The following KCNIP1 variants were observed in gnomAD, a reference collection of about 807,000 sequenced individuals.
KCNIP1 encodes potassium voltage-gated channel interacting protein 1.
A neutral mutation model predicts 33.0 loss-of-function variants in KCNIP1; 18 were observed. The ratio of observed to expected loss-of-function variants is 0.55; its 90% CI spans 0.38 to 0.81. The LOEUF is 0.81. Among genes scored for constraint, KCNIP1 ranks in the 30% least tolerant of loss-of-function variants. The probability of loss-of-function intolerance (pLI) is 0.00; values close to 1 mark genes in which losing one functional copy is unlikely to be tolerated. For synonymous variants in KCNIP1, 93 were observed against 98.3 expected (o/e 0.95, Z 0.32); for missense variants, 238 against 271.6 (o/e 0.88, Z 0.87).
intron 1 of KCNIP1, among the ~76,000 whole-genome samples, chr5:170,529,459 T>C (rs1311623870): frequency 6.6e-6 from 1 of 151,984 alleles, no homozygotes; most frequent in Non-Finnish European, 1.5e-5. Context: ...TGTGGGGAGG[T>C]GTGGGAAACC....
At chr5:170,561,233 T>C in intron 1 of KCNIP1, 2 of 406,644 alleles carry the variant, frequency 4.9e-6, no homozygotes, top group Non-Finnish European at 1.0e-5. Flanking sequence ...AAGTCCCCGC[T>C]CTGCTTGGCT....
At chr5:170,594,182 G>T (rs1248591659) in intron 1 of KCNIP1, among the ~76,000 whole-genome samples, 1 of 152,182 alleles carries the variant, frequency 6.6e-6, no homozygotes, top group Non-Finnish European at 1.5e-5. Context: ...AGGGTATGAA[G>T]CACCGTAGGA....
At chr5:170,653,970 G>C (rs1381398063) in intron 1 of KCNIP1, among the ~76,000 whole-genome samples, 1 of 152,036 alleles carries the variant, frequency 6.6e-6, no homozygotes, top group African/African-American at 2.4e-5. Flanking sequence ...AGTCTGACAA[G>C]CCCACAGTGG....
intron 1 of KCNIP1, among the ~76,000 whole-genome samples, chr5:170,387,037 C>T (rs760861902): frequency 2.0e-5 from 3 of 152,108 alleles, no homozygotes; most frequent in East Asian, 3.9e-4. Context: ...CCATGGTCCC[C>T]GCGTGATTTC....
chr5:170,629,656 G>T (rs891429326), intron 1 of KCNIP1, among the ~76,000 whole-genome samples: 31 of 152,158 alleles, frequency 2.0e-4, no homozygotes, highest in African/African-American at 6.8e-4. Context: ...CCCCTGCAGG[G>T]TGGCATCAGC....
intron 1 of KCNIP1, among the ~76,000 whole-genome samples, chr5:170,656,826 C>T (rs763406328): frequency 7.9e-5 from 12 of 152,228 alleles, no homozygotes; most frequent in Admixed American, 4.6e-4. Flanking sequence ...CCTTTAACAG[C>T]GCACATGGGA....
chr5:170,507,459 A>G (rs1163699388), intron 1 of KCNIP1, among the ~76,000 whole-genome samples: 1 of 152,206 alleles, frequency 6.6e-6, no homozygotes, highest in Non-Finnish European at 1.5e-5. Context: ...AAATGTCCAG[A>G]GTAAGGCCAT....
chr5:170,462,135 C>A (rs1756515230), intron 1 of KCNIP1, among the ~76,000 whole-genome samples: 1 of 151,962 alleles, frequency 6.6e-6, no homozygotes, highest in Non-Finnish European at 1.5e-5. Context: ...AACTAAAGAG[C>A]TTTTGCACAG....
chr5:170,426,247 T>TCACACACACACACACA (rs143211356), intron 1 of KCNIP1, among the ~76,000 whole-genome samples: 2,852 of 149,224 alleles, frequency 0.019, 32 homozygotes, highest in Non-Finnish European at 0.024. Context: ...TCAAAAGGAA[T>TCACACACACACACACA]CACACACACA....
intron 1 of KCNIP1, among the ~76,000 whole-genome samples, chr5:170,357,503 T>A (rs911942255): frequency 6.6e-6 from 1 of 152,202 alleles, no homozygotes; most frequent in Admixed American, 6.5e-5. Flanking sequence ...TATGAAAGCC[T>A]ATGGCCTTGT....
chr5:170,701,185 G>A (rs7727631), intron 1 of KCNIP1, among the ~76,000 whole-genome samples: 3,209 of 152,276 alleles, frequency 0.021, 59 homozygotes, highest in Non-Finnish European at 0.032. Context: ...CCTTATAGGC[G>A]AAAAGGGTTT....
At chr5:170,547,673 C>T (rs1756466498) in intron 1 of KCNIP1, among the ~76,000 whole-genome samples, 1 of 152,182 alleles carries the variant, frequency 6.6e-6, no homozygotes, top group Non-Finnish European at 1.5e-5. Flanking sequence ...TGGCCTCCAG[C>T]TCCATCCATG....
intron 1 of KCNIP1, among the ~76,000 whole-genome samples, chr5:170,609,156 C>G (rs1474124014): frequency 1.3e-5 from 2 of 152,216 alleles, no homozygotes; most frequent in African/African-American, 2.4e-5. Flanking sequence ...CTGTCTTCCC[C>G]AGGGTGGCTT....
At chr5:170,693,447 A>C (rs1316783582) in intron 1 of KCNIP1, among the ~76,000 whole-genome samples, 5 of 152,150 alleles carry the variant, frequency 3.3e-5, no homozygotes, top group Non-Finnish European at 7.3e-5. Context: ...CCTCGTGAAG[A>C]CCCTGAGAAG....
At chr5:170,569,643 C>G (rs1181156532) in intron 1 of KCNIP1, among the ~76,000 whole-genome samples, 3 of 152,112 alleles carry the variant, frequency 2.0e-5, no homozygotes, top group Non-Finnish European at 2.9e-5. Flanking sequence ...ACTCGGGAGG[C>G]TGAGGTAGGA....
At chr5:170,646,827 T>C (rs926346973) in intron 1 of KCNIP1, among the ~76,000 whole-genome samples, 1 of 152,108 alleles carries the variant, frequency 6.6e-6, no homozygotes, top group African/African-American at 2.4e-5. Context: ...TGATTATCTG[T>C]ATAGAAAATT....
In KCNIP1 at chr5:170,409,599, G is replaced by A. The variant is rs116641892; in HGVS notation, c.88+55635G>A. On this transcript the variant is annotated intron_variant, in intron 1 of 7. Coordinates refer to the KCNIP1 transcript ENST00000377360. ...CCCTGCCACCAGGATCGCCATGTAG[G>A]GTTGTGTGGCTTATGGCCCGTTCCA... Among the ~76,000 whole-genome samples the A allele has an allele frequency of 8.0e-3, 1,224 of 152,290 alleles. 16 individuals are homozygous for A. The highest frequency in any genetic ancestry group is 0.028 in the African/African-American group (1,149 of 41,556).
At chr5:170,393,686 G>A (rs314124) in intron 1 of KCNIP1, among the ~76,000 whole-genome samples, 5,836 of 152,210 alleles carry the variant, frequency 0.038, 361 homozygotes, top group African/African-American at 0.13. Flanking sequence ...AGTAAATGCC[G>A]ATATTACAAT....
intron 1 of KCNIP1, among the ~76,000 whole-genome samples, chr5:170,597,823 A>G (rs1758515696): frequency 6.9e-6 from 1 of 145,564 alleles, no homozygotes; most frequent in Non-Finnish European, 1.5e-5. Context: ...ATATATATAT[A>G]TATATATGAA....
Sources: gnomAD v4.1 joint callset for allele counts (sites outside exome capture counted in the v4.1 genomes callset) on GRCh38, gnomAD v4.1.1 for gene constraint, MANE v1.5 for transcripts, NCBI Gene and HGNC (gene_info 2026-07-23, HGNC 2026-07-21) for gene names.